THUMPD2: variants seen among roughly 807,000 people sequenced by gnomAD.
THUMPD2 encodes the protein U6 snRNA (guanine-N(2))-methyltransferase THUMPD2.
In THUMPD2, 56 loss-of-function variants were observed where a neutral mutation model predicts 49.4. That is an observed-to-expected ratio of 1.13 (90% confidence interval 0.91 to 1.41). The LOEUF is 1.41. THUMPD2 is among the 40% of genes most tolerant of loss of function. The pLI, the probability that THUMPD2 is intolerant of heterozygous loss-of-function variation, is 0.00. For missense variants in THUMPD2, 709 were observed against 594.5 expected (o/e 1.19, Z -2.00); for synonymous variants, 237 against 205.2 (o/e 1.15, Z -1.32).
chr2:39,772,609 C>CCTAA lies in THUMPD2; in HGVS notation c.127-973_127-970dup, dbSNP rs1678483191. Among the ~76,000 whole-genome samples the CCTAA allele has an allele frequency of 7.9e-5, 12 of 152,278 alleles. No individual in the cohort carries two copies. The South Asian group carries it at 2.5e-3, about 32-fold the overall frequency. On this transcript the variant is annotated intron_variant, in intron 1 of 9. Coordinates refer to ENST00000505747, the MANE Select transcript of THUMPD2 (RefSeq NM_025264.5). ...GAAAAGAGCACTGACTCACAGGAAG[C>CCTAA]CTAACATGCTGTGACAAATGGTGCT...
chr2:39,775,894 A>G (rs1302265200), intron 1 of THUMPD2, among the ~76,000 whole-genome samples: 1 of 151,766 alleles, frequency 6.6e-6, no homozygotes, highest in African/African-American at 2.4e-5. Flanking sequence ...GCTTAATTCT[A>G]CCCTATTACC....
At chr2:39,745,451 T>A (rs1281737286) in intron 8 of THUMPD2, among the ~76,000 whole-genome samples, 1 of 152,250 alleles carries the variant, frequency 6.6e-6, no homozygotes, top group Non-Finnish European at 1.5e-5. Flanking sequence ...AATTCCTTTT[T>A]TCCAAGTTAT....
intron 5 of THUMPD2, among the ~76,000 whole-genome samples, chr2:39,762,446 G>T (rs1421951181): frequency 3.3e-5 from 5 of 151,986 alleles, no homozygotes; most frequent in African/African-American, 1.2e-4. Flanking sequence ...AGAACTAAAT[G>T]ATATACCCCT....
chr2:39,777,812 T>C (rs965197508), intron 1 of THUMPD2, among the ~76,000 whole-genome samples: 6 of 152,218 alleles, frequency 3.9e-5, no homozygotes, highest in African/African-American at 1.4e-4. Flanking sequence ...GTAATAAAGT[T>C]TTCCCCATTT....
chr2:39,747,623 T>C (rs1179950763), intron 8 of THUMPD2, among the ~76,000 whole-genome samples: 1 of 152,190 alleles, frequency 6.6e-6, no homozygotes, highest in Non-Finnish European at 1.5e-5. Context: ...CCTGAAAACG[T>C]ATCTGTGCAA....
chr2:39,753,796 T>C (rs1675742887), intron 8 of THUMPD2, among the ~76,000 whole-genome samples: 1 of 152,190 alleles, frequency 6.6e-6, no homozygotes, highest in African/African-American at 2.4e-5. Context: ...GAATACCACC[T>C]TGGGCCAGGC....
intron 1 of THUMPD2, among the ~76,000 whole-genome samples, chr2:39,774,872 G>A (rs57564028): frequency 0.027 from 4,051 of 152,084 alleles, 176 homozygotes; most frequent in African/African-American, 0.091. Flanking sequence ...TAACACTCCC[G>A]AAGATGAAGT....
chr2:39,768,961 C>T, intron 3 of THUMPD2: 1 of 1,304,420 alleles, frequency 7.7e-7, no homozygotes, highest in Non-Finnish European at 1.0e-6. Context: ...CCTTTAACAT[C>T]ACTGAACTTT....
chr2:39,776,300 C>T, intron 1 of THUMPD2, among the ~76,000 whole-genome samples: 1 of 151,884 alleles, frequency 6.6e-6, no homozygotes, highest in East Asian at 1.9e-4. Flanking sequence ...CTGAATCTGA[C>T]CAAGTTCTAG....
chr2:39,766,297 T>C (rs1218645183), intron 4 of THUMPD2, 188 bp from the exon 5 acceptor site: 10 of 432,936 alleles, frequency 2.3e-5, no homozygotes, highest in Non-Finnish European at 4.1e-5. Flanking sequence ...AACTAAATTT[T>C]AAGTACATTT....
At chr2:39,762,398 T>C (rs886930827) in intron 5 of THUMPD2, among the ~76,000 whole-genome samples, 22 of 152,276 alleles carry the variant, frequency 1.4e-4, no homozygotes, top group Admixed American at 1.0e-3. Flanking sequence ...CTTTAACTTA[T>C]CCTGTTTTTG....
chr2:39,752,890 AAGG>A (rs1675602225), intron 8 of THUMPD2, among the ~76,000 whole-genome samples: 1 of 152,200 alleles, frequency 6.6e-6, no homozygotes, highest in East Asian at 1.9e-4. Context: ...GACCTGTTTT[AAGG>A]TTTATTCTCC....
chr2:39,775,868 A>G (rs1329912609), intron 1 of THUMPD2, among the ~76,000 whole-genome samples: 1 of 152,094 alleles, frequency 6.6e-6, no homozygotes, highest in Non-Finnish European at 1.5e-5. Flanking sequence ...ATAACTATGG[A>G]ATAACTTGAC....
intron 9 of THUMPD2, among the ~76,000 whole-genome samples, chr2:39,738,515 G>C (rs1171768218): frequency 6.6e-6 from 1 of 151,822 alleles, no homozygotes; most frequent in Non-Finnish European, 1.5e-5. Flanking sequence ...AGTGAGCTGA[G>C]ATTGCACCAC....
intron 9 of THUMPD2, among the ~76,000 whole-genome samples, chr2:39,743,139 A>AT (rs1195867464): frequency 6.6e-6 from 1 of 152,116 alleles, no homozygotes; most frequent in Non-Finnish European, 1.5e-5. Context: ...CTTGACCCTG[A>AT]TTTTTCTCCA....
intron 4 of THUMPD2, among the ~76,000 whole-genome samples, chr2:39,767,012 TAAG>T (rs1281525982): frequency 6.6e-6 from 1 of 152,226 alleles, no homozygotes. Context: ...CAAATGTTAT[TAAG>T]AATAGCCTCT....
At chr2:39,768,727 C>A in intron 3 of THUMPD2, 1 of 682,858 alleles carries the variant, frequency 1.5e-6, no homozygotes, top group Non-Finnish European at 2.4e-6. Flanking sequence ...TTAATGTCTA[C>A]TCATGCATAA....
At chr2:39,778,986 G>C (rs991711832) in intron 1 of THUMPD2, 128 bp downstream of exon 1, 3 of 1,226,312 alleles carry the variant, frequency 2.4e-6, no homozygotes, top group Non-Finnish European at 3.2e-6. Context: ...TCAACCTCGG[G>C]GGTCGGCGAC....
rs1191429375 is a variant in THUMPD2 at position 39,761,533 on chromosome 2, A to C, written c.804-115T>G. 9.5e-6 allele frequency: 9 copies of C among 944,834 alleles called. 1 individual carries two copies. The highest frequency in any genetic ancestry group is 3.4e-5 in the South Asian group (2 of 58,740). 58.5% of individuals were successfully genotyped at this position (944,834 alleles called of 1,614,324 possible). A position where few individuals can be genotyped will look rare whatever the true frequency, so the allele number is the denominator to read the frequency against. ...AAACATATTCATCCAACATACACTA[A>C]AGTATTCCCTAAGTTAGACAATGTT... On this transcript the variant is annotated intron_variant, in intron 5 of 9. Transcript: ENST00000505747.
Sources: allele counts gnomAD v4.1 joint callset (sites outside exome capture counted in the v4.1 genomes callset), GRCh38; gene constraint gnomAD v4.1.1; transcripts MANE v1.5; gene names NCBI Gene and HGNC (gene_info 2026-07-23, HGNC 2026-07-21).